The following SAFB2 variants were observed in gnomAD, a reference collection of about 807,000 sequenced individuals.
SAFB2 encodes scaffold attachment factor B2.
Under a neutral mutation model 100.6 loss-of-function variants are expected in SAFB2, and 32 were observed. The observed-to-expected ratio is 0.32, with a 90% CI of 0.24 to 0.43. The LOEUF is 0.43. Among genes scored for constraint, SAFB2 ranks in the 20% least tolerant of loss-of-function variants. The pLI, the probability that SAFB2 is intolerant of heterozygous loss-of-function variation, is 1.00. For synonymous variants in SAFB2, 500 were observed against 439.4 expected (o/e 1.14, Z -1.72); for missense variants, 1,185 against 1,163.4 (o/e 1.02, Z -0.27).
chr19:5,620,463 T>C (rs535606054), intron 2 of SAFB2, among the ~76,000 whole-genome samples: 1 of 152,346 alleles, frequency 6.6e-6, no homozygotes, highest in African/African-American at 2.4e-5. Flanking sequence ...TTTTATGGAA[T>C]TCAATGCTTT....
In SAFB2 at chr19:5,616,206, C is replaced by T. The variant is rs779944871; in HGVS notation, c.469G>A (p.Asp157Asn). 28 of 1,614,076 alleles carry T rather than the reference C, an allele frequency of 1.7e-5. No homozygotes were observed. The highest frequency in any genetic ancestry group is 1.3e-4 in the East Asian group (6 of 44,896). The change falls in exon 4 of 21, where the codon GAT (aspartate) becomes AAT (asparagine). Residue 157 changes from aspartate to asparagine, a missense_variant. Transcript: ENST00000252542. ...TATTCTTTACTATCACAAAAGGAAT[C>T]GAGAAGGCCGTCCGTGCCATCCTCC... ...FGEDGTDGLL[D>N]SFCDSKEYVA...
At chr19:5,591,843 T>C (rs752164200) in intron 16 of SAFB2, 50 bp from the exon 17 acceptor site, 4 of 1,592,844 alleles carry the variant, frequency 2.5e-6, no homozygotes, top group East Asian at 2.2e-5. Flanking sequence ...CGACTACACA[T>C]TTCTGCAGGT....
rs1449847071 is a variant in SAFB2 at position 5,605,279 on chromosome 19, G to C, written c.1297-343C>G. ...GCCACCACGCCTGGCTAATTTTTGTGTTTTTAGTAGAGATGGGGTTTCTCC... is the reference window on the plus strand; with the variant it reads ...GCCACCACGCCTGGCTAATTTTTGTCTTTTTAGTAGAGATGGGGTTTCTCC... On this transcript the variant is annotated intron_variant, in intron 9 of 20. Coordinates refer to ENST00000252542, the MANE Select transcript of SAFB2 (RefSeq NM_014649.3). 2.6e-5 allele frequency among the ~76,000 whole-genome samples: 4 copies of C among 151,780 alleles called. 1 individual carries two copies. The South Asian group carries it at 6.2e-4, about 24-fold the overall frequency.
At chr19:5,593,475 T>G (rs1016616888) in intron 15 of SAFB2, among the ~76,000 whole-genome samples, 1 of 152,216 alleles carries the variant, frequency 6.6e-6, no homozygotes, top group African/African-American at 2.4e-5. Context: ...GCAATTTCCT[T>G]TTCCACAGCG....
intron 1 of SAFB2, 99 bp from the exon 2 acceptor site, chr19:5,621,495 T>A: frequency 3.6e-6 from 3 of 842,962 alleles, no homozygotes; most frequent in Non-Finnish European, 6.1e-6. Context: ...GGCAAACCCG[T>A]CCTTGCAAAG....
intron 15 of SAFB2, 44 bp from the exon 16 acceptor site, chr19:5,592,931 A>G: frequency 1.3e-6 from 2 of 1,594,972 alleles, no homozygotes; most frequent in Non-Finnish European, 1.7e-6. Flanking sequence ...CATTAATGAG[A>G]GAGGAGGAGG....
chr19:5,614,010 A>G (rs1200941412), intron 4 of SAFB2, among the ~76,000 whole-genome samples: 1 of 152,082 alleles, frequency 6.6e-6, no homozygotes, highest in Non-Finnish European at 1.5e-5. Flanking sequence ...CTGGAGTGCA[A>G]TGGCGCCATC....
intron 13 of SAFB2, among the ~76,000 whole-genome samples, chr19:5,597,520 C>T (rs2052558149): frequency 6.6e-6 from 1 of 152,158 alleles, no homozygotes; most frequent in South Asian, 2.1e-4. Context: ...GCATATTACA[C>T]AGAAAGTGCA....
rs753883247 is a variant in SAFB2 at position 5,600,229 on chromosome 19, T to G, written c.1591A>C (p.Lys531Gln). 11 of 1,613,248 alleles carry G rather than the reference T, an allele frequency of 6.8e-6. No homozygotes were observed. The highest frequency in any genetic ancestry group is 1.7e-4 in the Middle Eastern group (1 of 6,060). ...TVIKKEEKIE[K>Q]KEEKKPEDIK... ...TCTTCAGGCTTTTTTTCCTCCTTCT[T>G]CTCAATCTTCTCTTCCTTCTTAATT... The change falls in exon 12 of 21, where the codon AAG (lysine) becomes CAG (glutamine). Residue 531 changes from lysine to glutamine, a missense_variant. Transcript: ENST00000252542.
chr19:5,609,694 G>A (rs1469265093), intron 9 of SAFB2, among the ~76,000 whole-genome samples: 1 of 152,230 alleles, frequency 6.6e-6, no homozygotes, highest in Non-Finnish European at 1.5e-5. Flanking sequence ...TTATACAGCT[G>A]TTCTGAGCAC....
intron 4 of SAFB2, among the ~76,000 whole-genome samples, chr19:5,614,138 T>C (rs977828020): frequency 3.9e-5 from 6 of 152,172 alleles, no homozygotes; most frequent in African/African-American, 1.4e-4. Context: ...TATGTTTTAG[T>C]AGAGACGGGG....
rs747140078 is a variant in SAFB2, at chr19:5,587,280, T to G, written c.2825A>C (p.His942Pro). ...RGSRVPHPHP[H>P]PPPYPHFTRR... ...GGTGAAGTGGGGGTACGGGGGGGGA[T>G]GAGGGTGTGGGTGAGGGACTCTGCT... Residue 942 changes from histidine (H) to proline (P), a missense_variant, in exon 21 of 21, where the codon CAT becomes CCT. Transcript: ENST00000252542. The surrounding 1 kb of genome is among the most constrained non-coding windows in gnomAD (Gnocchi z 4.9). The G allele has an allele frequency of 6.2e-7, 1 of 1,608,018 alleles. No homozygotes were observed. The highest frequency in any genetic ancestry group is 1.1e-5 in the South Asian group (1 of 90,704).
chr19:5,593,738 T>G, intron 15 of SAFB2, 153 bp downstream of exon 15: 7 of 759,982 alleles, frequency 9.2e-6, no homozygotes, highest in African/African-American at 1.9e-5. Flanking sequence ...AGCAGCGCAG[T>G]GAGATCGGCG....
rs1023284615 is a variant in SAFB2 at position 5,610,848 on chromosome 19, A to G, written c.1146-160T>C. On this transcript the variant is annotated intron_variant, in intron 7 of 20. Transcript: ENST00000252542. Reference sequence around the variant, plus strand: ...AGCTTATATTGGAAAATCTGACCCCAAAAATACAATGTCAGATTTGTAAAA... The same window carrying G: ...AGCTTATATTGGAAAATCTGACCCCGAAAATACAATGTCAGATTTGTAAAA... The G allele has an allele frequency of 4.0e-6, 3 of 759,456 alleles. No individual in the cohort carries two copies. The Admixed American group carries it at 1.0e-4, about 26-fold the overall frequency. 47.0% of individuals were successfully genotyped at this position (759,456 alleles called of 1,614,324 possible).
At chr19:5,600,016 A>G in intron 12 of SAFB2, 114 bp downstream of exon 12, 2 of 1,082,682 alleles carry the variant, frequency 1.8e-6, no homozygotes, top group East Asian at 4.8e-5. Flanking sequence ...CTGCCATATG[A>G]ACAGCGAAAC....
At chr19:5,609,075 GAAC>G (rs1305042713) in intron 9 of SAFB2, among the ~76,000 whole-genome samples, 7 of 105,988 alleles carry the variant, frequency 6.6e-5, no homozygotes, top group Non-Finnish European at 1.2e-4. Flanking sequence ...AAAAAAAAAA[GAAC>G]AACAAACAAA....
Position 5,617,431 on chromosome 19 carries a change from C to A in SAFB2, c.275-945G>T, listed in dbSNP as rs561133891. Among the ~76,000 whole-genome samples, 106 of 152,262 alleles carry A rather than the reference C, an allele frequency of 7.0e-4. 1 individual carries two copies. Among genetic ancestry groups the A allele is most frequent in the Middle Eastern group, 3.4e-3 (1 of 294 alleles). ...GGAAACCTTGAGAAGAAACTTGAGG[C>A]TCTATATGTATCAAAAACCTTACAA... On this transcript the variant is annotated intron_variant, in intron 2 of 20. Coordinates refer to ENST00000252542, the MANE Select transcript of SAFB2 (RefSeq NM_014649.3).
At position 5,595,496 on chromosome 19, in the gene SAFB2, C is replaced by T. The variant is rs1454543424; in HGVS notation, c.1784G>A (p.Ser595Asn). 6.2e-7 allele frequency: 1 copy of T among 1,613,070 alleles called. No individual in the cohort carries two copies. The highest frequency in any genetic ancestry group is 8.5e-7 in the Non-Finnish European group (1 of 1,179,980). Residue 595 changes from serine (S) to asparagine (N), a missense_variant and splice_region_variant, in exon 14 of 21, where the codon AGC becomes AAC. This residue lies in a region of SAFB2 where 740 missense variants were observed against 687.1 expected (regional missense o/e 1.08). Coordinates refer to ENST00000252542, the MANE Select transcript of SAFB2 (RefSeq NM_014649.3). ...TGACTTGCGATCCTGACTCTTGGAGCTCTGTTTACCAAAACTGGTTTATTA... is the reference window on the plus strand; with the variant it reads ...TGACTTGCGATCCTGACTCTTGGAGTTCTGTTTACCAAAACTGGTTTATTA... ...VKTTSRSKER[S>N]SKSQDRKSES...
At chr19:5,606,244 G>A (rs2052771929) in intron 9 of SAFB2, among the ~76,000 whole-genome samples, 1 of 152,214 alleles carries the variant, frequency 6.6e-6, no homozygotes, top group African/African-American at 2.4e-5. Flanking sequence ...TACCTCAGCT[G>A]TGTCCCAGAA....
Sources: gnomAD v4.1 joint callset for allele counts (sites outside exome capture counted in the v4.1 genomes callset) on GRCh38, gnomAD v4.1.1 for gene constraint, gnomAD v4.1.1 regional missense constraint, Gnocchi (gnomAD v3.1) non-coding constraint, MANE v1.5 for transcripts, NCBI Gene and HGNC (gene_info 2026-07-23, HGNC 2026-07-21) for gene names.